RAPGEF5: variants seen among roughly 807,000 people sequenced by gnomAD.
RAPGEF5 encodes the protein Rap guanine nucleotide exchange factor 5.
In RAPGEF5, 65 loss-of-function variants were observed where a neutral mutation model predicts 125.2. That is an observed-to-expected ratio of 0.52 (90% CI 0.43 to 0.64). RAPGEF5 has a LOEUF of 0.64. Ranked by LOEUF, RAPGEF5 falls within the 30% of genes least tolerant of loss-of-function variation. The probability of loss-of-function intolerance (pLI) is 0.00; values close to 1 mark genes in which losing one functional copy is unlikely to be tolerated. For missense variants in RAPGEF5, 958 were observed against 1,048.1 expected, an observed-to-expected ratio of 0.91 and a Z score of 1.19; for synonymous variants, 391 against 385.9, an observed-to-expected ratio of 1.01 and a Z score of -0.16.
chr7:22,118,450 A>G lies in RAPGEF5; in HGVS notation c.*3956T>C, dbSNP rs1025348043. ...TAAATTATTGCTTACTAGCTTCGAT[A>G]AATACACAGCACAGTCATATACATA... On this transcript the variant is annotated 3_prime_UTR_variant, in exon 26 of 26. Transcript: ENST00000665637. 3.3e-5 allele frequency: 5 copies of G among 152,634 alleles called. No individual in the cohort carries two copies. The highest frequency in any genetic ancestry group is 1.2e-4 in the African/African-American group (5 of 41,450). The allele number at this position is 152,634 out of a possible 1,614,324, so 9.5% of individuals were successfully genotyped here.
At chr7:22,245,077 T>C (rs987381174) in intron 7 of RAPGEF5, among the ~76,000 whole-genome samples, 1 of 152,242 alleles carries the variant, frequency 6.6e-6, no homozygotes, top group Non-Finnish European at 1.5e-5. Flanking sequence ...AATAGTAATA[T>C]TGACCACTTT....
At chr7:22,210,451 T>C (rs1238126897) in intron 9 of RAPGEF5, among the ~76,000 whole-genome samples, 1 of 151,506 alleles carries the variant, frequency 6.6e-6, no homozygotes, top group Non-Finnish European at 1.5e-5. Flanking sequence ...GGCAAAAATT[T>C]TACCTTGACA....
chr7:22,270,839 A>G (rs976661263), intron 6 of RAPGEF5, among the ~76,000 whole-genome samples: 2 of 152,218 alleles, frequency 1.3e-5, no homozygotes, highest in African/African-American at 4.8e-5. Flanking sequence ...ATGCATTACT[A>G]TTCAAATCAA....
At chr7:22,215,781 C>A (rs1158107429) in intron 9 of RAPGEF5, among the ~76,000 whole-genome samples, 1 of 152,196 alleles carries the variant, frequency 6.6e-6, no homozygotes, top group African/African-American at 2.4e-5. Flanking sequence ...CAGAGATTCT[C>A]TCTGTTTAAG....
At chr7:22,200,493 G>A (rs1032386716) in intron 9 of RAPGEF5, among the ~76,000 whole-genome samples, 13 of 152,026 alleles carry the variant, frequency 8.6e-5, no homozygotes, top group Non-Finnish European at 1.8e-4. Flanking sequence ...TTTAGATAAC[G>A]ACAATTAGTT....
chr7:22,120,246 A>G lies in RAPGEF5; in HGVS notation c.*2160T>C, dbSNP rs533774530. 1.3e-5 allele frequency: 2 copies of G among 152,266 alleles called. No homozygotes were observed. The highest frequency in any genetic ancestry group is 1.3e-4 in the Admixed American group (2 of 15,290). 9.4% of individuals were successfully genotyped at this position (152,266 alleles called of 1,614,324 possible). ...AGTTTACACCCATGTCATGTGAGATACTCTGAAGTCACTGTACAAAATGCA... is the reference window on the plus strand; with the variant it reads ...AGTTTACACCCATGTCATGTGAGATGCTCTGAAGTCACTGTACAAAATGCA... On this transcript the variant is annotated 3_prime_UTR_variant, in exon 26 of 26. Coordinates refer to ENST00000665637, the MANE Select transcript of RAPGEF5 (RefSeq NM_012294.5). The surrounding 1 kb of genome is among the most constrained non-coding windows in gnomAD (Gnocchi z 4.0).
chr7:22,144,717 A>G (rs1338774177), intron 20 of RAPGEF5, among the ~76,000 whole-genome samples: 1 of 152,160 alleles, frequency 6.6e-6, no homozygotes, highest in East Asian at 1.9e-4. Flanking sequence ...GCACATCATC[A>G]TCCCCTTTTT....
chr7:22,310,394 G>C (rs935131471), intron 3 of RAPGEF5, among the ~76,000 whole-genome samples: 2 of 152,116 alleles, frequency 1.3e-5, no homozygotes, highest in African/African-American at 4.8e-5. Flanking sequence ...CAGGAGAGCA[G>C]GAACTTTATA....
intron 17 of RAPGEF5, among the ~76,000 whole-genome samples, chr7:22,153,847 G>A (rs1238719257): frequency 6.6e-6 from 1 of 152,148 alleles, no homozygotes; most frequent in African/African-American, 2.4e-5. Flanking sequence ...AAAACGAAGA[G>A]GTCTGTTCAA....
Position 22,162,511 on chromosome 7 carries a change from C to T in RAPGEF5, c.1314G>A (p.Glu438=), listed in dbSNP as rs753573541. The T allele has an allele frequency of 1.2e-6, 2 of 1,610,100 alleles. No homozygotes were observed. The highest frequency in any genetic ancestry group is 1.7e-6 in the Non-Finnish European group (2 of 1,176,522). ...TCCTACGCGGAACGTCTGAGTTTTC[C>T]TCTTTGCCTTGATACTTCTTAGCAG... The part of the protein sequence containing the change: ...HYSAKKYQGK[E]ENSDVPRRKR... The change falls in exon 13 of 26, where the codon GAG becomes GAA. Residue 438 remains glutamate, a synonymous_variant. Coordinates refer to ENST00000665637, the MANE Select transcript of RAPGEF5 (RefSeq NM_012294.5).
chr7:22,185,133 C>T (rs960548745), intron 11 of RAPGEF5, among the ~76,000 whole-genome samples: 3 of 152,158 alleles, frequency 2.0e-5, no homozygotes, highest in Non-Finnish European at 4.4e-5. Flanking sequence ...TCCATGATTC[C>T]AGTCTCTAGC....
chr7:22,254,703 A>T (rs2128139034), intron 7 of RAPGEF5, among the ~76,000 whole-genome samples: 1 of 152,016 alleles, frequency 6.6e-6, no homozygotes, highest in East Asian at 1.9e-4. Context: ...CACGGAAGAC[A>T]ATTTTTCCAT....
At position 22,168,049 on chromosome 7, in the gene RAPGEF5, T is replaced by C. The variant is rs555207357; in HGVS notation, c.1205-901A>G. Among the ~76,000 whole-genome samples the C allele has an allele frequency of 2.0e-3, 310 of 152,058 alleles. 4 individuals carry two copies. Among genetic ancestry groups the C allele is most frequent in the Non-Finnish European group, 5.2e-4 (35 of 67,930 alleles). Reference sequence around the variant, plus strand: ...CATCTTTTACATTCCAGACATCACATTTTTAGTTATATAAAACAGTAATAA... The same window carrying C: ...CATCTTTTACATTCCAGACATCACACTTTTAGTTATATAAAACAGTAATAA... On this transcript the variant is annotated intron_variant, in intron 11 of 25. Coordinates refer to ENST00000665637, the MANE Select transcript of RAPGEF5 (RefSeq NM_012294.5).
Position 22,279,114 on chromosome 7 carries a change from T to C in RAPGEF5, c.747+12061A>G, listed in dbSNP as rs78398856. Among the ~76,000 whole-genome samples the C allele has an allele frequency of 2.0e-4, 30 of 152,302 alleles. 1 individual carries two copies. In the East Asian group the frequency reaches 5.4e-3, roughly 27 times the overall value. On this transcript the variant is annotated intron_variant, in intron 6 of 25. Transcript: ENST00000665637. ...CTCTTTTGTTTTAAAGAGAAAATTT[T>C]TGTTATACAACTAGAAGAGCCTAGT...
intron 24 of RAPGEF5, among the ~76,000 whole-genome samples, chr7:22,126,907 GC>G (rs1409397930): frequency 6.6e-6 from 1 of 152,156 alleles, no homozygotes; most frequent in African/African-American, 2.4e-5. Flanking sequence ...ATAGGTGTGA[GC>G]CACTGTGGCC....
chr7:22,288,526 C>CTTTTT (rs56683554), intron 6 of RAPGEF5, among the ~76,000 whole-genome samples: 3 of 142,382 alleles, frequency 2.1e-5, no homozygotes, highest in East Asian at 2.1e-4. Context: ...CTTTTCTTTT[C>CTTTTT]TTTTTTTTTT....
chr7:22,354,713 C>G (rs1186810886), intron 1 of RAPGEF5, among the ~76,000 whole-genome samples: 1 of 152,240 alleles, frequency 6.6e-6, no homozygotes, highest in East Asian at 1.9e-4. Flanking sequence ...GGAGCCCTCT[C>G]TTCCTCTGCG....
In RAPGEF5 at chr7:22,118,907, C is replaced by G. The variant is rs575308142; in HGVS notation, c.*3499G>C. 3 of 150,316 alleles carry G rather than the reference C, an allele frequency of 2.0e-5. No homozygotes were observed. The highest frequency in any genetic ancestry group is 6.7e-5 in the Admixed American group (1 of 15,016). 9.3% of individuals were successfully genotyped at this position (150,316 alleles called of 1,614,324 possible). A position where few individuals can be genotyped will look rare whatever the true frequency, so the allele number is the denominator to read the frequency against. On this transcript the variant is annotated 3_prime_UTR_variant, in exon 26 of 26. Transcript: ENST00000665637. Reference sequence around the variant, plus strand: ...TTTAAAAACTTCCCCCCCGCCCCCCCACCAGTTTTAAGCAAAACTGGCCCA... The same window carrying G: ...TTTAAAAACTTCCCCCCCGCCCCCCGACCAGTTTTAAGCAAAACTGGCCCA...
chr7:22,137,533 A>C (rs1783115948), intron 21 of RAPGEF5, among the ~76,000 whole-genome samples: 1 of 152,216 alleles, frequency 6.6e-6, no homozygotes, highest in Admixed American at 6.5e-5. Context: ...CCATCCTCCC[A>C]AATAAAAATT....
Sources: gnomAD v4.1 joint callset for allele counts (sites outside exome capture counted in the v4.1 genomes callset) on GRCh38, gnomAD v4.1.1 for gene constraint, Gnocchi (gnomAD v3.1) non-coding constraint, MANE v1.5 for transcripts, NCBI Gene and HGNC (gene_info 2026-07-23, HGNC 2026-07-21) for gene names.